ZMYM2: variants seen among roughly 807,000 people sequenced by gnomAD.
ZMYM2 encodes zinc finger MYM-type protein 2.
ZMYM2 carries 56 observed loss-of-function variants against 162.8 expected under a neutral mutation model. The ratio of observed to expected loss-of-function variants is 0.34; its 90% CI spans 0.28 to 0.43. ZMYM2 has a LOEUF of 0.43. Among genes scored for constraint, ZMYM2 ranks in the 20% least tolerant of loss-of-function variants. The pLI is 1.00. For missense variants in ZMYM2, 1,275 were observed against 1,621.8 expected, an observed-to-expected ratio of 0.79 and a Z score of 3.67; for synonymous variants, 510 against 541.6, an observed-to-expected ratio of 0.94 and a Z score of 0.81.
chr13:20,085,974 A>G lies in ZMYM2; in HGVS notation c.4094A>G (p.Tyr1365Cys). Reference protein sequence around the residue: ...LVRVLLVKDIYDKDNYELDED... With the variant: ...LVRVLLVKDICDKDNYELDED... ...CGGGTTCTTCTAGTAAAAGATATTT[A>G]TGATAAAGACAATTATGAACTGGAT... Residue 1365 changes from tyrosine (Y) to cysteine (C), a missense_variant, in exon 25 of 25, where the codon TAT becomes TGT. Physicochemically the swap from Tyr to Cys is radical, Grantham distance 194 (BLOSUM62 -2). This residue lies in a region of ZMYM2 where 69 missense variants were observed against 78.4 expected (regional missense o/e 0.88). Coordinates refer to ENST00000610343, the MANE Select transcript of ZMYM2 (RefSeq NM_197968.4). 1 of 1,613,760 alleles carries G rather than the reference A, an allele frequency of 6.2e-7. No individual in the cohort carries two copies. The highest frequency in any genetic ancestry group is 8.5e-7 in the Non-Finnish European group (1 of 1,179,726).
chr13:20,028,032 G>A (rs1007676823), intron 9 of ZMYM2: 1 of 179,386 alleles, frequency 5.6e-6, no homozygotes, highest in Non-Finnish European at 1.2e-5. Context: ...TGCTTCATGA[G>A]TTAATTCATC....
intron 6 of ZMYM2, among the ~76,000 whole-genome samples, chr13:20,010,316 C>T (rs1951069766): frequency 6.6e-6 from 1 of 152,136 alleles, no homozygotes; most frequent in Non-Finnish European, 1.5e-5. Flanking sequence ...CTGTCTCAGC[C>T]TCCCGAGTAG....
chr13:20,014,914 G>A (rs549081693), intron 6 of ZMYM2, among the ~76,000 whole-genome samples: 1 of 151,884 alleles, frequency 6.6e-6, no homozygotes, highest in Non-Finnish European at 1.5e-5. Flanking sequence ...ACAGGCATGT[G>A]CCACCACACC....
Position 20,034,383 on chromosome 13 carries a change from A to G in ZMYM2, c.2098A>G (p.Lys700Glu). The change falls in exon 11 of 25, where the codon AAG becomes GAG. Residue 700 changes from lysine (K) to glutamate (E), a missense_variant. By Grantham distance (56) the Lys-to-Glu change is moderately conservative. Around this residue, in one of 10 missense-constraint regions of ZMYM2, gnomAD observed 177 missense variants for 228.0 expected, o/e 0.78. Transcript: ENST00000610343. The part of the protein sequence containing the change: ...LHETVNFSGV[K>E]RPFCSEGCKL... ...TGAAACAGTAAATTTCTCTGGCGTT[A>G]AGAGACCTTTCTGTAGTGAAGGCAA... 1 of 1,600,788 alleles carries G rather than the reference A, an allele frequency of 6.2e-7. No individual in the cohort carries two copies. Among genetic ancestry groups the G allele is most frequent in the Non-Finnish European group, 8.5e-7 (1 of 1,175,300 alleles).
chr13:20,011,893 C>T (rs915358590), intron 6 of ZMYM2, among the ~76,000 whole-genome samples: 8 of 152,094 alleles, frequency 5.3e-5, no homozygotes, highest in East Asian at 1.9e-4. Context: ...GGATTACAGG[C>T]GCACACCACC....
chr13:19,957,885 C>T (rs376456641), upstream of ZMYM2, among the ~76,000 whole-genome samples: 1 of 152,202 alleles, frequency 6.6e-6, no homozygotes, highest in Admixed American at 6.5e-5. Context: ...CCGTCGTGCC[C>T]GTCCCCTGTG....
At chr13:20,078,371 C>T (rs1198961372) in intron 21 of ZMYM2, among the ~76,000 whole-genome samples, 1 of 152,090 alleles carries the variant, frequency 6.6e-6, no homozygotes, top group East Asian at 1.9e-4. Flanking sequence ...GTCTTATATT[C>T]CCAATATTTA....
At chr13:19,902,509 G>A in the ZMYM2 span, among the ~76,000 whole-genome samples, 9 of 151,992 alleles carry the variant, frequency 5.9e-5, no homozygotes, top group African/African-American at 2.2e-4. Flanking sequence ...CCAGCTACTC[G>A]GGAGGCTGAG....
chr13:19,904,348 G>A, the ZMYM2 span, among the ~76,000 whole-genome samples: 5 of 152,052 alleles, frequency 3.3e-5, no homozygotes, highest in Middle Eastern at 0.01. Context: ...CATGAGGTCC[G>A]GAGTTCGCGA....
chr13:19,965,086 TAA>T (rs11365422), intron 2 of ZMYM2: 30,686 of 273,180 alleles, frequency 0.11, 1,478 homozygotes, highest in African/African-American at 0.26. Context: ...TAAAGTATAA[TAA>T]AAAAAAAAAA....
chr13:19,865,761 C>T, the ZMYM2 span, among the ~76,000 whole-genome samples: 1,838 of 152,036 alleles, frequency 0.012, 39 homozygotes, highest in African/African-American at 0.04. Context: ...CCAATGAAAA[C>T]GCTCACCTCA....
In ZMYM2 at chr13:20,058,517, T is replaced by A. The variant is rs1377488281; in HGVS notation, c.2494-58T>A. The A allele has an allele frequency of 2.6e-6, 4 of 1,566,410 alleles. No homozygotes were observed. The South Asian group carries it at 4.7e-5, about 19-fold the overall frequency. On this transcript the variant is annotated intron_variant, in intron 14 of 24. Transcript: ENST00000610343. ...AGGACTGAAAATCCTTCATTGACACTAGGAAGTATTGAAAATTAGACATAA... is the reference window on the plus strand; with the variant it reads ...AGGACTGAAAATCCTTCATTGACACAAGGAAGTATTGAAAATTAGACATAA...
chr13:19,921,998 C>A, the ZMYM2 span, among the ~76,000 whole-genome samples: 1 of 152,066 alleles, frequency 6.6e-6, no homozygotes, highest in Non-Finnish European at 1.5e-5. Context: ...ACTGCAACCT[C>A]TGCCTCCCGG....
chr13:19,993,802 T>C lies in ZMYM2; in HGVS notation c.730T>C (p.Tyr244His). The C allele has an allele frequency of 6.2e-7, 1 of 1,614,184 alleles. No homozygotes were observed. The highest frequency in any genetic ancestry group is 8.5e-7 in the Non-Finnish European group (1 of 1,180,020). Residue 244 changes from tyrosine (Y) to histidine (H), a missense_variant, in exon 3 of 25, where the codon TAC becomes CAC. Coordinates refer to ENST00000610343, the MANE Select transcript of ZMYM2 (RefSeq NM_197968.4). ...TAATTTTGGTGTTAATATACAAACA[T>C]ACACCCCATCTTTAACTTCACAGAC... is the stretch of plus-strand genomic sequence containing the variant. ...SSNFGVNIQT[Y>H]TPSLTSQTKT...
chr13:20,031,074 A>G (rs997050015), intron 9 of ZMYM2, among the ~76,000 whole-genome samples: 21 of 152,154 alleles, frequency 1.4e-4, no homozygotes, highest in African/African-American at 5.1e-4. Flanking sequence ...GATTGAATGT[A>G]TGATTTTTTC....
chr13:20,001,764 A>G (rs1397150456), intron 3 of ZMYM2, among the ~76,000 whole-genome samples: 1 of 152,248 alleles, frequency 6.6e-6, no homozygotes, highest in Admixed American at 6.5e-5. Context: ...GTGATCAGTC[A>G]GCAGCTATCA....
chr13:19,906,458 G>A, the ZMYM2 span, among the ~76,000 whole-genome samples: 5 of 147,908 alleles, frequency 3.4e-5, no homozygotes, highest in Admixed American at 2.7e-4. Flanking sequence ...ATTTACATTT[G>A]AAATAATTAC....
the ZMYM2 span, among the ~76,000 whole-genome samples, chr13:19,870,525 CTTTCTT>C: frequency 1.6e-5 from 2 of 123,700 alleles, no homozygotes; most frequent in Admixed American, 8.8e-5. Context: ...CTCTTTCTCT[CTTTCTT>C]TCTTTCTCTT....
chr13:19,923,825 C>T, the ZMYM2 span, among the ~76,000 whole-genome samples: 4 of 151,934 alleles, frequency 2.6e-5, no homozygotes, highest in Non-Finnish European at 4.4e-5. Flanking sequence ...TAGGAGTCAC[C>T]ATGCCCAGCT....
Sources: allele counts gnomAD v4.1 joint callset (sites outside exome capture counted in the v4.1 genomes callset), GRCh38; gene constraint gnomAD v4.1.1; regional missense constraint gnomAD v4.1.1; transcripts MANE v1.5; gene names NCBI Gene and HGNC (gene_info 2026-07-23, HGNC 2026-07-21).